The following F13A1 variants were observed in gnomAD, a reference collection of about 807,000 sequenced individuals.
F13A1 encodes FSF, A subunit.
F13A1 carries 47 observed loss-of-function variants against 80.1 expected under a neutral mutation model. That is an observed-to-expected ratio of 0.59 (90% CI 0.46 to 0.75). The LOEUF (loss-of-function observed/expected upper bound fraction) is 0.75, where lower values mean the gene tolerates loss of function less well. Among genes scored for constraint, F13A1 ranks in the 30% least tolerant of loss-of-function variants. F13A1 has a pLI of 0.00. For synonymous variants in F13A1, 349 were observed against 344.9 expected (o/e 1.01, Z -0.13); for missense variants, 817 against 930.4 (o/e 0.88, Z 1.59).
chr6:6,182,213 G>C, intron 10 of F13A1, 72 bp from the exon 11 acceptor site: 4 of 1,549,384 alleles, frequency 2.6e-6, no homozygotes, highest in Non-Finnish European at 2.7e-6. Flanking sequence ...ACTGTCCATA[G>C]AGCAGTCGTC....
chr6:6,218,436 C>A (rs534992248), intron 8 of F13A1, among the ~76,000 whole-genome samples: 6 of 152,316 alleles, frequency 3.9e-5, no homozygotes, highest in Admixed American at 2.0e-4. Flanking sequence ...GCCTTCCCCC[C>A]AGAGGTTACA....
At chr6:6,313,984 C>CACTTTTT (rs374113663) in intron 2 of F13A1, among the ~76,000 whole-genome samples, 13,355 of 139,180 alleles carry the variant, frequency 0.096, 1,223 homozygotes, top group African/African-American at 0.17. Context: ...TTTCTCCTTA[C>CACTTTTT]TCTTTTTTTT....
chr6:6,307,297 T>C (rs919152203), intron 2 of F13A1, among the ~76,000 whole-genome samples: 2 of 152,078 alleles, frequency 1.3e-5, no homozygotes, highest in Non-Finnish European at 2.9e-5. Context: ...TTTTTACCTC[T>C]TCTCAGAACC....
At chr6:6,296,493 A>T (rs1758329877) in intron 3 of F13A1, among the ~76,000 whole-genome samples, 2 of 149,788 alleles carry the variant, frequency 1.3e-5, no homozygotes, top group Admixed American at 6.6e-5. Context: ...TAGGTATTTT[A>T]TTCTCTTTGA....
intron 7 of F13A1, among the ~76,000 whole-genome samples, chr6:6,224,015 T>G (rs1388045770): frequency 6.6e-6 from 1 of 152,190 alleles, no homozygotes; most frequent in Non-Finnish European, 1.5e-5. Flanking sequence ...GAGAGGCAAA[T>G]GCCTCTGAAA....
intron 4 of F13A1, among the ~76,000 whole-genome samples, chr6:6,260,998 TCA>T (rs1212007741): frequency 2.0e-5 from 3 of 152,186 alleles, no homozygotes; most frequent in Non-Finnish European, 4.4e-5. Context: ...AGATGGAGTC[TCA>T]CTCTGTGGCC....
At chr6:6,223,800 T>C (rs1383509200) in intron 7 of F13A1, among the ~76,000 whole-genome samples, 2 of 152,076 alleles carry the variant, frequency 1.3e-5, no homozygotes, top group African/African-American at 4.8e-5. Context: ...ACCCCTCCCT[T>C]TGTTTTTGAT....
intron 3 of F13A1, among the ~76,000 whole-genome samples, chr6:6,267,694 G>A (rs1757864447): frequency 1.3e-5 from 2 of 151,964 alleles, no homozygotes. Flanking sequence ...TGCAAGTTTA[G>A]TAAAAATAAA....
chr6:6,306,332 C>A (rs1161689796), intron 2 of F13A1, among the ~76,000 whole-genome samples: 4 of 152,208 alleles, frequency 2.6e-5, no homozygotes. Context: ...TCACATGTTT[C>A]TTAGTTGTCT....
intron 3 of F13A1, among the ~76,000 whole-genome samples, chr6:6,301,303 C>G (rs1030464081): frequency 6.6e-6 from 1 of 152,204 alleles, no homozygotes; most frequent in Non-Finnish European, 1.5e-5. Flanking sequence ...GATAAATCCT[C>G]TACCATGGGT....
intron 8 of F13A1, among the ~76,000 whole-genome samples, chr6:6,207,788 A>T (rs891134265): frequency 1.3e-5 from 2 of 152,242 alleles, no homozygotes; most frequent in Non-Finnish European, 2.9e-5. Context: ...TTATATGACC[A>T]CTAAGCTAAC....
At chr6:6,276,469 C>A (rs373072949) in intron 3 of F13A1, among the ~76,000 whole-genome samples, 1 of 152,172 alleles carries the variant, frequency 6.6e-6, no homozygotes, top group Non-Finnish European at 1.5e-5. Context: ...CTTAGTCATT[C>A]ACTCGCTTGT....
At position 6,318,702 on chromosome 6, in the gene F13A1, A is replaced by AAT; in HGVS notation, c.-18-21_-18-20insAT. ...AAGGTCCTTCAGAAAAAAAAAAAAA[A>AAT]GAAGACAACAGAAAAGGCATGTAAA... On this transcript the variant is annotated intron_variant, in intron 1 of 14. Coordinates refer to ENST00000264870, the MANE Select transcript of F13A1 (RefSeq NM_000129.4). The AAT allele has an allele frequency of 6.2e-7, 1 of 1,602,564 alleles. No homozygotes were observed. Among genetic ancestry groups the AAT allele is most frequent in the Non-Finnish European group, 8.5e-7 (1 of 1,177,992 alleles).
chr6:6,253,849 C>T (rs1467443009), intron 4 of F13A1, among the ~76,000 whole-genome samples: 1 of 152,064 alleles, frequency 6.6e-6, no homozygotes, highest in Non-Finnish European at 1.5e-5. Context: ...CTGATCAATA[C>T]GTGGTGTTTT....
At chr6:6,165,982 C>T (rs1270654441) in intron 13 of F13A1, among the ~76,000 whole-genome samples, 6 of 152,252 alleles carry the variant, frequency 3.9e-5, no homozygotes, top group African/African-American at 1.2e-4. Flanking sequence ...CCCTGATGGG[C>T]ATTACATGCC....
At chr6:6,296,406 T>C (rs1327639676) in intron 3 of F13A1, among the ~76,000 whole-genome samples, 4 of 145,044 alleles carry the variant, frequency 2.8e-5, no homozygotes, top group Non-Finnish European at 4.5e-5. Flanking sequence ...TTTGTTTGTA[T>C]CCTCTTTTAT....
chr6:6,235,311 C>G (rs1757400663), intron 6 of F13A1, among the ~76,000 whole-genome samples: 1 of 151,820 alleles, frequency 6.6e-6, no homozygotes, highest in African/African-American at 2.4e-5. Flanking sequence ...AACCTTTGCT[C>G]TTTGAAAGGC....
chr6:6,318,406 G>C, intron 2 of F13A1, 129 bp downstream of exon 2: 1 of 1,212,150 alleles, frequency 8.2e-7, no homozygotes, highest in Non-Finnish European at 1.1e-6. Context: ...TATAAAACCA[G>C]AGATTGGCAG....
intron 4 of F13A1, 32 bp downstream of exon 4, chr6:6,266,526 T>G: frequency 6.2e-7 from 1 of 1,614,186 alleles, no homozygotes; most frequent in Non-Finnish European, 8.5e-7. Flanking sequence ...AGGTGAATTT[T>G]TAAATGAGAA....
Sources: allele counts gnomAD v4.1 joint callset (sites outside exome capture counted in the v4.1 genomes callset), GRCh38; gene constraint gnomAD v4.1.1; transcripts MANE v1.5; gene names NCBI Gene and HGNC (gene_info 2026-07-23, HGNC 2026-07-21).